Variants in PTPRN2 observed in about 807,000 individuals in gnomAD.
PTPRN2 encodes protein tyrosine phosphatase receptor type N2.
Under a neutral mutation model 118.8 loss-of-function variants are expected in PTPRN2, and 74 were observed. The observed-to-expected ratio is 0.62, with a 90% CI of 0.52 to 0.76. The LOEUF (loss-of-function observed/expected upper bound fraction) is 0.76. Among genes scored for constraint, PTPRN2 ranks in the 30% least tolerant of loss-of-function variants. PTPRN2 has a pLI of 0.00. For missense variants in PTPRN2, 1,481 were observed against 1,394.4 expected (o/e 1.06, Z -0.99); for synonymous variants, 641 against 608.0 (o/e 1.05, Z -0.80).
intron 4 of PTPRN2, among the ~76,000 whole-genome samples, chr7:158,202,512 G>C (rs1468492984): frequency 6.6e-6 from 1 of 152,160 alleles, no homozygotes. Context: ...CCTCCATGCT[G>C]GGTGCAGCTT....
intron 10 of PTPRN2, among the ~76,000 whole-genome samples, chr7:158,085,416 T>C (rs1454676044): frequency 1.3e-3 from 41 of 31,468 alleles, no homozygotes; most frequent in Admixed American, 2.6e-3. Flanking sequence ...TCCACACCCA[T>C]GACGCCCATC....
At chr7:158,568,034 C>T (rs1827764401) in intron 1 of PTPRN2, among the ~76,000 whole-genome samples, 1 of 152,194 alleles carries the variant, frequency 6.6e-6, no homozygotes, top group Non-Finnish European at 1.5e-5. Flanking sequence ...AGGCAGATCA[C>T]TTGAGGTCAC....
chr7:157,599,524 A>G (rs144879067), intron 16 of PTPRN2, among the ~76,000 whole-genome samples: 31 of 152,356 alleles, frequency 2.0e-4, no homozygotes, highest in African/African-American at 7.5e-4. Flanking sequence ...CCTAATCTGC[A>G]TGAAAAACTT....
At chr7:157,725,662 A>ATG (rs1799536020) in intron 12 of PTPRN2, among the ~76,000 whole-genome samples, 26 of 85,578 alleles carry the variant, frequency 3.0e-4, no homozygotes, top group African/African-American at 5.1e-4. Context: ...ATATCTACAC[A>ATG]CAGAGGAGTG....
chr7:158,430,082 A>G (rs1446726630), intron 2 of PTPRN2, among the ~76,000 whole-genome samples: 1 of 151,880 alleles, frequency 6.6e-6, no homozygotes, highest in Non-Finnish European at 1.5e-5. Context: ...TAATTTTTGT[A>G]TTTTTAGTAG....
chr7:158,327,474 CACACAT>C (rs757904444), intron 2 of PTPRN2, among the ~76,000 whole-genome samples: 12 of 133,136 alleles, frequency 9.0e-5, no homozygotes, highest in Non-Finnish European at 2.1e-4. Flanking sequence ...TACACGTTCT[CACACAT>C]ACATTCTCAC....
At chr7:157,782,819 C>G (rs1803764478) in intron 12 of PTPRN2, among the ~76,000 whole-genome samples, 1 of 152,192 alleles carries the variant, frequency 6.6e-6, no homozygotes, top group Admixed American at 6.5e-5. Context: ...GCTCTCTTTC[C>G]TTAAATAGTA....
intron 14 of PTPRN2, among the ~76,000 whole-genome samples, chr7:157,653,599 C>T (rs1222835215): frequency 2.0e-5 from 3 of 152,128 alleles, no homozygotes; most frequent in African/African-American, 4.8e-5. Flanking sequence ...TGGAGCTCAC[C>T]TGTGGCGTGA....
chr7:158,056,986 C>T (rs1167851691), intron 11 of PTPRN2, among the ~76,000 whole-genome samples: 2 of 152,186 alleles, frequency 1.3e-5, no homozygotes, highest in East Asian at 1.9e-4. Context: ...ATGTGTCCAT[C>T]AAGCTTTTAA....
chr7:158,008,737 G>A (rs962255404), intron 11 of PTPRN2, among the ~76,000 whole-genome samples: 2 of 152,214 alleles, frequency 1.3e-5, no homozygotes, highest in Admixed American at 6.5e-5. Context: ...GGCCTCTAAC[G>A]AATGTTTAGA....
At position 158,411,502 on chromosome 7, in the gene PTPRN2, G is replaced by A. The variant is rs532869698; in HGVS notation, c.163+78233C>T. The stretch of plus-strand genomic sequence containing the variant: ...AGCACTCACGGCTCACCTCCTGGGA[G>A]CCAAGGCACCTGCAAGTCCTGCTGT... On this transcript the variant is annotated intron_variant, in intron 2 of 22. Transcript: ENST00000389418. Among the ~76,000 whole-genome samples, 6 of 152,294 alleles carry A rather than the reference G, an allele frequency of 3.9e-5. No homozygotes were observed. The East Asian group carries it at 7.7e-4, about 20-fold the overall frequency.
chr7:158,133,176 T>G (rs1818514384), intron 9 of PTPRN2, among the ~76,000 whole-genome samples: 1 of 152,194 alleles, frequency 6.6e-6, no homozygotes, highest in Non-Finnish European at 1.5e-5. Flanking sequence ...TGGGCCACTT[T>G]GGTGCAAAAC....
At chr7:158,238,280 G>C (rs1795670478) in intron 3 of PTPRN2, among the ~76,000 whole-genome samples, 1 of 152,076 alleles carries the variant, frequency 6.6e-6, no homozygotes, top group Non-Finnish European at 1.5e-5. Flanking sequence ...CACACCTGAT[G>C]GCCATCGCAG....
At chr7:157,695,575 T>G (rs1797725229) in intron 12 of PTPRN2, among the ~76,000 whole-genome samples, 1 of 152,244 alleles carries the variant, frequency 6.6e-6, no homozygotes. Context: ...GAGTGCATTT[T>G]GAAAACAAGA....
chr7:158,323,415 C>T (rs995779063), intron 2 of PTPRN2, among the ~76,000 whole-genome samples: 6 of 152,132 alleles, frequency 3.9e-5, no homozygotes, highest in East Asian at 3.9e-4. Flanking sequence ...CCTCTGGGAC[C>T]GGAATGGACA....
chr7:158,012,057 C>G (rs1013383595), intron 11 of PTPRN2, among the ~76,000 whole-genome samples: 1 of 152,160 alleles, frequency 6.6e-6, no homozygotes, highest in African/African-American at 2.4e-5. Flanking sequence ...TGAAGCTGCC[C>G]CGATCCCGAG....
At chr7:158,167,678 C>G (rs1015991080) in intron 5 of PTPRN2, among the ~76,000 whole-genome samples, 2 of 152,238 alleles carry the variant, frequency 1.3e-5, no homozygotes, top group African/African-American at 2.4e-5. Context: ...TCCCTCCCAC[C>G]CTGACACTGC....
chr7:158,397,159 A>C (rs1812577252), intron 2 of PTPRN2, among the ~76,000 whole-genome samples: 1 of 152,242 alleles, frequency 6.6e-6, no homozygotes, highest in Admixed American at 6.5e-5. Context: ...CTTACACTTC[A>C]GCATTTTTTC....
intron 11 of PTPRN2, among the ~76,000 whole-genome samples, chr7:158,070,627 C>T (rs1192858026): frequency 2.0e-5 from 2 of 99,544 alleles, no homozygotes; most frequent in Admixed American, 1.1e-4. Context: ...TGGAGGTGCC[C>T]CTGGTGGTGG....
Sources: allele counts gnomAD v4.1 joint callset (sites outside exome capture counted in the v4.1 genomes callset), GRCh38; gene constraint gnomAD v4.1.1; transcripts MANE v1.5; gene names NCBI Gene and HGNC (gene_info 2026-07-23, HGNC 2026-07-21).